RGS3: variants seen among roughly 807,000 people sequenced by gnomAD.
The protein encoded by RGS3 is regulator of G-protein signalling 3.
RGS3 carries 80 observed loss-of-function variants against 132.6 expected under a neutral mutation model. The ratio of observed to expected loss-of-function variants is 0.60; its 90% confidence interval spans 0.50 to 0.73. RGS3 has a LOEUF of 0.73. Among genes scored for constraint, RGS3 ranks in the 30% least tolerant of loss-of-function variants. The pLI is 0.00. For synonymous variants in RGS3, 598 were observed against 620.6 expected, an observed-to-expected ratio of 0.96 and a Z score of 0.54; for missense variants, 1,382 against 1,530.8, an observed-to-expected ratio of 0.90 and a Z score of 1.62.
Position 113,579,289 on chromosome 9 carries a change from G to A in RGS3, c.2038-4161G>A, listed in dbSNP as rs930271052. On this transcript the variant is annotated intron_variant, in intron 19 of 24. Coordinates refer to ENST00000350696, the Ensembl canonical transcript of RGS3. The surrounding 1 kb of genome is among the most constrained non-coding windows in gnomAD (Gnocchi z 4.3). ...TCCGGTGGGCATCTGGGGCCCAGGA[G>A]CCAAAGCTGGTATGAGTGTGAACTC... Among the ~76,000 whole-genome samples, 5 of 152,194 alleles carry A rather than the reference G, an allele frequency of 3.3e-5. No homozygotes were observed. Among genetic ancestry groups the A allele is most frequent in the African/African-American group, 9.7e-5 (4 of 41,442 alleles).
At chr9:113,514,972 T>G (rs1343088427) in intron 15 of RGS3, among the ~76,000 whole-genome samples, 1 of 152,144 alleles carries the variant, frequency 6.6e-6, no homozygotes, top group East Asian at 1.9e-4. Context: ...AGGGACTGTT[T>G]GCCAAAGCTC....
At position 113,516,501 on chromosome 9, in the gene RGS3, G is replaced by T. The variant is rs186932884; in HGVS notation, c.1675-1040G>T. ...GCCTCCCAAGTAGCTGGGATTACAG[G>T]TGCCCACGACCATGCCTGGCTAGTT... On this transcript the variant is annotated intron_variant, in intron 15 of 24. Transcript: ENST00000350696. Among the ~76,000 whole-genome samples, 790 of 152,054 alleles carry T rather than the reference G, an allele frequency of 5.2e-3. 4 individuals are homozygous for T. Among genetic ancestry groups the T allele is most frequent in the Non-Finnish European group, 6.0e-3 (410 of 67,982 alleles).
At chr9:113,578,403 A>T (rs1209485174) in intron 19 of RGS3, among the ~76,000 whole-genome samples, 1 of 152,238 alleles carries the variant, frequency 6.6e-6, no homozygotes. Context: ...TGAGGCACAG[A>T]AAGGTTAAGC....
intron 3 of RGS3, among the ~76,000 whole-genome samples, chr9:113,469,975 A>G (rs1829780778): frequency 6.6e-6 from 1 of 151,686 alleles, no homozygotes. Flanking sequence ...CAGTGGCGCA[A>G]TGTAAACTCA....
At chr9:113,467,852 C>T (rs1829699373) in intron 3 of RGS3, among the ~76,000 whole-genome samples, 1 of 152,056 alleles carries the variant, frequency 6.6e-6, no homozygotes, top group Admixed American at 6.6e-5. Flanking sequence ...GTAGCTGGTA[C>T]TACAGATGTG....
chr9:113,550,027 G>A (rs1372544949), intron 19 of RGS3, among the ~76,000 whole-genome samples: 1 of 152,150 alleles, frequency 6.6e-6, no homozygotes. Context: ...GTGTATCTTG[G>A]CATGCCCAGC....
chr9:113,483,142 G>C, intron 5 of RGS3, 25 bp downstream of exon 3: 1 of 1,534,792 alleles, frequency 6.5e-7, no homozygotes. Context: ...CGGAGATGGA[G>C]AGTGGGATAT....
At chr9:113,518,910 TTGAGG>T (rs1831804288) in intron 16 of RGS3, among the ~76,000 whole-genome samples, 1 of 152,106 alleles carries the variant, frequency 6.6e-6, no homozygotes, top group Non-Finnish European at 1.5e-5. Context: ...GGGTCAGAAA[TTGAGG>T]TGTGGCCATA....
At chr9:113,460,183 A>AT (rs1564444125), upstream of RGS3, 4 of 1,196,562 alleles carry the variant, frequency 3.3e-6, no homozygotes, top group South Asian at 1.4e-5. Context: ...GTTGAAGTTT[A>AT]TTTTTTTGAG....
intron 10 of RGS3, chr9:113,501,573 A>G: frequency 6.4e-7 from 1 of 1,550,444 alleles, no homozygotes; most frequent in African/African-American, 1.3e-5. Flanking sequence ...CAGGACCCGC[A>G]GCCATGAACC....
intron 7 of RGS3, 38 bp from the exon 6 acceptor site, chr9:113,495,747 GA>G (rs917751109): frequency 1.3e-5 from 21 of 1,591,156 alleles, no homozygotes; most frequent in South Asian, 2.2e-5. Context: ...ATAGAGCCCA[GA>G]AAAAAAATGC....
intron 15 of RGS3, chr9:113,517,221 G>T (rs765354531): frequency 1.9e-6 from 1 of 517,872 alleles, no homozygotes; most frequent in Non-Finnish European, 3.7e-6. Context: ...GGAGCCCAGT[G>T]CAGTGGGGGG....
intron 19 of RGS3, among the ~76,000 whole-genome samples, chr9:113,577,443 C>T (rs537426627): frequency 6.6e-6 from 1 of 151,958 alleles, no homozygotes. Flanking sequence ...GGGGTGGTCA[C>T]GAAGGAAAAG....
chr9:113,587,923 C>CT (rs1835203325), intron 20 of RGS3, among the ~76,000 whole-genome samples: 1 of 152,256 alleles, frequency 6.6e-6, no homozygotes, highest in Non-Finnish European at 1.5e-5. Context: ...GCCTTCCTGG[C>CT]TGCTCCCTGG....
chr9:113,528,648 A>G (rs1832326933), intron 17 of RGS3, among the ~76,000 whole-genome samples: 1 of 152,142 alleles, frequency 6.6e-6, no homozygotes, highest in South Asian at 2.1e-4. Context: ...GAATGGTTGC[A>G]ACTGGGATCC....
exon 2 of RGS3, chr9:113,461,821 G>A (rs765123722): frequency 1.2e-6 from 2 of 1,614,076 alleles, no homozygotes; most frequent in Non-Finnish European, 1.7e-6. Flanking sequence ...TCCCCTTTGG[G>A]AGGAGGCTCT....
upstream of RGS3, among the ~76,000 whole-genome samples, chr9:113,459,524 C>T (rs539483850): frequency 9.9e-5 from 15 of 152,172 alleles, no homozygotes; most frequent in African/African-American, 2.7e-4. Context: ...CCAAGGTGTA[C>T]GGTTCACTTG....
intron 10 of RGS3, among the ~76,000 whole-genome samples, chr9:113,499,994 G>A (rs1249386725): frequency 6.6e-6 from 1 of 152,154 alleles, no homozygotes; most frequent in African/African-American, 2.4e-5. Flanking sequence ...AGAGGATGGT[G>A]ATCAGGGGGC....
exon 20 of RGS3, chr9:113,584,310 C>G: frequency 6.2e-7 from 1 of 1,605,406 alleles, no homozygotes; most frequent in Non-Finnish European, 8.5e-7. Flanking sequence ...ACTGCTCAGA[C>G]GGTGAGGGCG....
Sources: gnomAD v4.1 joint callset for allele counts (sites outside exome capture counted in the v4.1 genomes callset) on GRCh38, gnomAD v4.1.1 for gene constraint, Gnocchi (gnomAD v3.1) non-coding constraint, MANE v1.5 for transcripts, NCBI Gene and HGNC (gene_info 2026-07-23, HGNC 2026-07-21) for gene names.